MEGF11: variants seen among roughly 807,000 people sequenced by gnomAD.
The protein encoded by MEGF11 is multiple EGF like domains 11.
In MEGF11, 126 loss-of-function variants were observed where a neutral mutation model predicts 146.6. That is an observed-to-expected ratio of 0.86 (90% CI 0.74 to 1.00). The LOEUF (loss-of-function observed/expected upper bound fraction) is 1.00. MEGF11 is among the 50% of genes least tolerant of loss of function. MEGF11 has a pLI of 0.00. For synonymous variants in MEGF11, 532 were observed against 583.4 expected, an observed-to-expected ratio of 0.91 and a Z score of 1.27; for missense variants, 1,509 against 1,521.2, an observed-to-expected ratio of 0.99 and a Z score of 0.13.
intron 1 of MEGF11, among the ~76,000 whole-genome samples, chr15:66,169,208 G>C (rs2090178838): frequency 6.6e-6 from 1 of 152,240 alleles, no homozygotes; most frequent in African/African-American, 2.4e-5. Context: ...GCCTGACGCA[G>C]CCACTCAATA....
Position 65,992,729 on chromosome 15 carries a change from T to C in MEGF11, c.395-10241A>G, listed in dbSNP as rs77587113. ...GCCACAGTATTGTGTGGACAGATAA[T>C]GGGAAGGAACAGTAAGTGTGAGAGA... is the stretch of plus-strand genomic sequence containing the variant. On this transcript the variant is annotated intron_variant, in intron 5 of 25. Transcript: ENST00000395614. 6.2e-3 allele frequency among the ~76,000 whole-genome samples: 934 copies of C among 151,366 alleles called. 15 individuals carry two copies. The highest frequency in any genetic ancestry group is 0.022 in the African/African-American group (899 of 41,208).
intron 1 of MEGF11, among the ~76,000 whole-genome samples, chr15:66,233,136 C>G (rs1467966909): frequency 1.3e-5 from 2 of 152,172 alleles, no homozygotes; most frequent in Admixed American, 1.3e-4. Flanking sequence ...TTCATAATAC[C>G]AGCACCTAGC....
intron 5 of MEGF11, among the ~76,000 whole-genome samples, chr15:66,064,343 T>C (rs1367709031): frequency 6.6e-6 from 1 of 151,872 alleles, no homozygotes; most frequent in African/African-American, 2.4e-5. Flanking sequence ...CACTCCAGCC[T>C]GGGCAACAGA....
At chr15:66,035,708 C>T (rs2083701580) in intron 5 of MEGF11, among the ~76,000 whole-genome samples, 1 of 152,200 alleles carries the variant, frequency 6.6e-6, no homozygotes, top group African/African-American at 2.4e-5. Context: ...AAGGAGAAGA[C>T]AAATTGTCAG....
At chr15:66,009,989 C>T (rs1313623181) in intron 5 of MEGF11, among the ~76,000 whole-genome samples, 1 of 151,964 alleles carries the variant, frequency 6.6e-6, no homozygotes. Context: ...TTTTTAGTAC[C>T]AGTGCAGAAT....
At chr15:65,938,746 T>C (rs1293039559) in intron 10 of MEGF11, among the ~76,000 whole-genome samples, 3 of 152,204 alleles carry the variant, frequency 2.0e-5, no homozygotes, top group Non-Finnish European at 4.4e-5. Context: ...TAACAAACCC[T>C]CGACGCTGGT....
chr15:65,980,737 A>T (rs972044286), intron 7 of MEGF11, 41 bp downstream of exon 7: 1 of 1,542,866 alleles, frequency 6.5e-7, no homozygotes, highest in Non-Finnish European at 8.7e-7. Flanking sequence ...ATGAAGGCTC[A>T]GCCCTCCAGT....
intron 5 of MEGF11, among the ~76,000 whole-genome samples, chr15:65,995,464 C>G (rs1051476425): frequency 1.3e-5 from 2 of 152,226 alleles, no homozygotes; most frequent in Non-Finnish European, 2.9e-5. Flanking sequence ...ACAGCAATGT[C>G]AAAATTACCA....
At chr15:66,034,530 C>T (rs1342945357) in intron 5 of MEGF11, among the ~76,000 whole-genome samples, 1 of 151,956 alleles carries the variant, frequency 6.6e-6, no homozygotes, top group East Asian at 1.9e-4. Flanking sequence ...ATTGATCCTC[C>T]CCGCTCAGCC....
intron 5 of MEGF11, among the ~76,000 whole-genome samples, chr15:66,011,625 G>C (rs1328414492): frequency 6.6e-6 from 1 of 151,988 alleles, no homozygotes; most frequent in Non-Finnish European, 1.5e-5. Context: ...GATCCTAATA[G>C]CACCTGCTTC....
At chr15:66,140,365 T>G (rs568785303) in intron 1 of MEGF11, among the ~76,000 whole-genome samples, 4 of 152,162 alleles carry the variant, frequency 2.6e-5, no homozygotes, top group African/African-American at 9.7e-5. Flanking sequence ...AATTCAGAAA[T>G]GTGAACCACC....
At chr15:66,132,708 C>A (rs1597113538) in intron 1 of MEGF11, among the ~76,000 whole-genome samples, 1 of 152,112 alleles carries the variant, frequency 6.6e-6, no homozygotes, top group Non-Finnish European at 1.5e-5. Flanking sequence ...TGGGGAGGGA[C>A]AACACAGGTG....
chr15:65,926,087 AGGT>A (rs1182506132), intron 13 of MEGF11, among the ~76,000 whole-genome samples: 1 of 152,230 alleles, frequency 6.6e-6, no homozygotes, highest in African/African-American at 2.4e-5. Flanking sequence ...GGCACACAGT[AGGT>A]ACTCAGAAAC....
chr15:66,135,511 G>T (rs1370587772), intron 1 of MEGF11, among the ~76,000 whole-genome samples: 1 of 152,172 alleles, frequency 6.6e-6, no homozygotes, highest in African/African-American at 2.4e-5. Context: ...CCAGGATGTG[G>T]CTTAATTCAA....
intron 1 of MEGF11, among the ~76,000 whole-genome samples, chr15:66,205,975 G>C (rs2091289801): frequency 6.6e-6 from 1 of 152,140 alleles, no homozygotes; most frequent in African/African-American, 2.4e-5. Context: ...ACTCCAAAAT[G>C]ACAGAGATGT....
intron 1 of MEGF11, among the ~76,000 whole-genome samples, chr15:66,128,780 G>A (rs988609858): frequency 2.6e-5 from 4 of 152,152 alleles, no homozygotes; most frequent in Non-Finnish European, 5.9e-5. Flanking sequence ...CTGCTTTAAA[G>A]GGAATGCCCT....
rs1433795932 is a variant in MEGF11 at position 66,094,467 on chromosome 15, C to A, written c.329G>T (p.Gly110Val). ...GCAGGTGTCCGGGGAAACGCAGCGG[C>A]CGTGCACACACTCCTCCGTACACAG... The part of the protein sequence containing the change: ...IPLCTEECVH[G>V]RCVSPDTCHC... Residue 110 changes from glycine to valine, a missense_variant, in exon 5 of 26, where the codon GGC (glycine) becomes GTC (valine). Coordinates refer to ENST00000395614, the MANE Select transcript of MEGF11 (RefSeq NM_001385028.1). 6.4e-7 allele frequency: 1 copy of A among 1,560,582 alleles called. No individual in the cohort carries two copies. Among genetic ancestry groups the A allele is most frequent in the Non-Finnish European group, 8.7e-7 (1 of 1,152,192 alleles).
chr15:66,092,933 C>T (rs1272720767), intron 5 of MEGF11, among the ~76,000 whole-genome samples: 1 of 152,228 alleles, frequency 6.6e-6, no homozygotes, highest in Non-Finnish European at 1.5e-5. Flanking sequence ...CAAAACAAAA[C>T]ACAGATAAGG....
intron 1 of MEGF11, among the ~76,000 whole-genome samples, chr15:66,188,502 C>T (rs1023390294): frequency 3.9e-5 from 6 of 152,186 alleles, no homozygotes; most frequent in Non-Finnish European, 7.3e-5. Flanking sequence ...ATTTAACCAC[C>T]GGTCAGACCC....
Sources: allele counts gnomAD v4.1 joint callset (sites outside exome capture counted in the v4.1 genomes callset), GRCh38; gene constraint gnomAD v4.1.1; transcripts MANE v1.5; gene names NCBI Gene and HGNC (gene_info 2026-07-23, HGNC 2026-07-21).